PKNOX2: variants seen among roughly 807,000 people sequenced by gnomAD.
PKNOX2 encodes the protein PBX/knotted 1 homeobox 2, also known as homeobox protein PKNOX2.
In PKNOX2, 14 loss-of-function variants were observed where a neutral mutation model predicts 53.1. That is an observed-to-expected ratio of 0.26 (90% CI 0.17 to 0.41). PKNOX2 has a LOEUF of 0.41. Among genes scored for constraint, PKNOX2 ranks in the 10% least tolerant of loss-of-function variants. The pLI, the probability that PKNOX2 is intolerant of heterozygous loss-of-function variation, is 1.00. For missense variants in PKNOX2, 496 were observed against 602.8 expected (o/e 0.82, Z 1.85); for synonymous variants, 257 against 242.8 (o/e 1.06, Z -0.54).
At chr11:125,278,438 G>A (rs138897448) in intron 2 of PKNOX2, among the ~76,000 whole-genome samples, 1 of 152,186 alleles carries the variant, frequency 6.6e-6, no homozygotes, top group African/African-American at 2.4e-5. Flanking sequence ...AAGGCAGTGG[G>A]AGCAGCCTGG....
At chr11:125,404,773 C>T (rs901155570) in intron 7 of PKNOX2, among the ~76,000 whole-genome samples, 3 of 152,160 alleles carry the variant, frequency 2.0e-5, no homozygotes, top group African/African-American at 4.8e-5. Context: ...CCCCTCTTTC[C>T]CTCAAAAAGC....
At chr11:125,220,416 G>C (rs746116765) in intron 1 of PKNOX2, among the ~76,000 whole-genome samples, 2 of 152,234 alleles carry the variant, frequency 1.3e-5, no homozygotes, top group Non-Finnish European at 2.9e-5. Flanking sequence ...AGTGGAGACA[G>C]AAGGGATAGA....
At chr11:125,367,072 G>GA (rs1440784001) in intron 4 of PKNOX2, among the ~76,000 whole-genome samples, 5 of 151,920 alleles carry the variant, frequency 3.3e-5, no homozygotes, top group African/African-American at 1.2e-4. Context: ...TTGACTGAAG[G>GA]AAATAAAAAA....
At chr11:125,417,037 A>G (rs1955922750) in intron 10 of PKNOX2, among the ~76,000 whole-genome samples, 1 of 152,050 alleles carries the variant, frequency 6.6e-6, no homozygotes, top group Non-Finnish European at 1.5e-5. Flanking sequence ...GAGTCCCTGA[A>G]GAATCCAGTG....
intron 1 of PKNOX2, among the ~76,000 whole-genome samples, chr11:125,198,622 C>T (rs1271453465): frequency 2.0e-5 from 3 of 152,130 alleles, no homozygotes; most frequent in South Asian, 2.1e-4. Flanking sequence ...TACACTTCCT[C>T]GAGTTTCCGA....
rs10571639 is a variant in PKNOX2 at position 125,217,008 on chromosome 11, AACACAC to A, written c.-200-18013_-200-18008del. Among the ~76,000 whole-genome samples the A allele has an allele frequency of 4.6e-3, 677 of 147,216 alleles. 8 individuals are homozygous for A. Among genetic ancestry groups the A allele is most frequent in the African/African-American group, 0.011 (449 of 39,864 alleles). On this transcript the variant is annotated intron_variant, in intron 1 of 12. Coordinates refer to ENST00000298282, the MANE Select transcript of PKNOX2 (RefSeq NM_001382323.2). The stretch of plus-strand genomic sequence containing the variant: ...TGTGAAAGTTTCCCCATCCCCTCAA[AACACAC>A]ACACACACACACACACACACACAGT...
At chr11:125,321,557 T>G (rs1949515874) in intron 2 of PKNOX2, among the ~76,000 whole-genome samples, 1 of 152,224 alleles carries the variant, frequency 6.6e-6, no homozygotes, top group Non-Finnish European at 1.5e-5. Context: ...CCCAAATATT[T>G]TCTATCTGCA....
intron 10 of PKNOX2, among the ~76,000 whole-genome samples, chr11:125,413,774 C>G (rs1441105657): frequency 1.3e-5 from 2 of 152,186 alleles, no homozygotes; most frequent in African/African-American, 4.8e-5. Flanking sequence ...CCCCACCTCC[C>G]ACCCCCATGC....
chr11:125,210,142 G>A (rs1362997436), intron 1 of PKNOX2, among the ~76,000 whole-genome samples: 6 of 152,142 alleles, frequency 3.9e-5, no homozygotes, highest in Non-Finnish European at 8.8e-5. Context: ...TGTGCAGAAA[G>A]AGGATCCCAC....
At chr11:125,228,446 G>T (rs1941913385) in intron 1 of PKNOX2, among the ~76,000 whole-genome samples, 1 of 152,200 alleles carries the variant, frequency 6.6e-6, no homozygotes, top group Admixed American at 6.5e-5. Flanking sequence ...ATAAATGTTT[G>T]CTATTATTAG....
At position 125,240,056 on chromosome 11, in the gene PKNOX2, T is replaced by C. The variant is rs181797605; in HGVS notation, c.-130+4941T>C. The C allele has an allele frequency of 3.3e-5, 5 of 152,354 alleles. No individual in the cohort carries two copies. Among genetic ancestry groups the C allele is most frequent in the South Asian group, 4.1e-4 (2 of 4,830 alleles). 9.4% of individuals were successfully genotyped at this position (152,354 alleles called of 1,614,324 possible). ...ATTTACATTATGCAAATAGACGTTA[T>C]GCAATCAAGGCACTTTAGCAGGAAT... On this transcript the variant is annotated intron_variant, in intron 2 of 12. Coordinates refer to ENST00000298282, the MANE Select transcript of PKNOX2 (RefSeq NM_001382323.2). This position sits in a 1 kb window ranked among gnomAD's most constrained non-coding sequence, Gnocchi z 4.3.
intron 1 of PKNOX2, among the ~76,000 whole-genome samples, chr11:125,192,424 G>C (rs921517512): frequency 6.6e-6 from 1 of 152,170 alleles, no homozygotes; most frequent in African/African-American, 2.4e-5. Flanking sequence ...GGGGAAAGCT[G>C]GGCCAGCGTC....
At chr11:125,242,253 G>A (rs944251817) in intron 2 of PKNOX2, among the ~76,000 whole-genome samples, 1 of 152,204 alleles carries the variant, frequency 6.6e-6, no homozygotes, top group Non-Finnish European at 1.5e-5. Context: ...GGGCAAGGCA[G>A]TGTTGGTCTG....
At chr11:125,194,718 G>T (rs600702) in intron 1 of PKNOX2, among the ~76,000 whole-genome samples, 31,219 of 152,062 alleles carry the variant, frequency 0.21, 3,803 homozygotes, top group South Asian at 0.33. Flanking sequence ...TGGATATTTT[G>T]CCACGAATGT....
rs1183134655 is a variant in PKNOX2, at chr11:125,166,413, C to A, written c.-201+1637C>A. ...AGGAGAGGACTTGGGCCACACAGGA[C>A]CCGGTCCTAAGAGAGCGATTCCGGG... On this transcript the variant is annotated intron_variant, in intron 1 of 12. Transcript: ENST00000298282. The surrounding 1 kb of genome is among the most constrained non-coding windows in gnomAD (Gnocchi z 4.0). 6.6e-6 allele frequency among the ~76,000 whole-genome samples: 1 copy of A among 152,194 alleles called. No individual in the cohort carries two copies. Among genetic ancestry groups the A allele is most frequent in the Non-Finnish European group, 1.5e-5 (1 of 68,030 alleles).
intron 9 of PKNOX2, chr11:125,411,508 C>T (rs1248273964): frequency 6.8e-6 from 3 of 443,994 alleles, no homozygotes; most frequent in African/African-American, 6.6e-5. Flanking sequence ...CTCTCTCTCT[C>T]TCCCCCCCTT....
intron 1 of PKNOX2, among the ~76,000 whole-genome samples, chr11:125,178,549 AGAAGGAAGGAAGGAACGAAGGAAGGAAG>A (rs1955862363): frequency 2.5e-4 from 32 of 128,198 alleles, no homozygotes; most frequent in African/African-American, 1.2e-3. Context: ...GGAGAGAGAG[AGAAGGAAGGAAGGAACGAAGGAAGGAAG>A]GAAGGAAGGA....
At chr11:125,344,077 G>A (rs766160747) in intron 3 of PKNOX2, among the ~76,000 whole-genome samples, 1 of 152,134 alleles carries the variant, frequency 6.6e-6, no homozygotes, top group Non-Finnish European at 1.5e-5. Flanking sequence ...CCCAGACACT[G>A]CTTTATCATG....
chr11:125,346,195 G>A (rs1303429207), intron 3 of PKNOX2, among the ~76,000 whole-genome samples: 4 of 150,736 alleles, frequency 2.7e-5, no homozygotes, highest in Non-Finnish European at 4.4e-5. Flanking sequence ...GGGTGGGGGT[G>A]GAGGGGTAAC....
Sources: gnomAD v4.1 joint callset for allele counts (sites outside exome capture counted in the v4.1 genomes callset) on GRCh38, gnomAD v4.1.1 for gene constraint, Gnocchi (gnomAD v3.1) non-coding constraint, MANE v1.5 for transcripts, NCBI Gene and HGNC (gene_info 2026-07-23, HGNC 2026-07-21) for gene names.